The following OAF variants were observed in gnomAD, a reference collection of about 807,000 sequenced individuals.
OAF encodes out at first homolog, also known as out at first protein homolog.
In OAF, 13 loss-of-function variants were observed where a neutral mutation model predicts 22.5. That is an observed-to-expected ratio of 0.58 (90% CI 0.38 to 0.92). The LOEUF (loss-of-function observed/expected upper bound fraction) is 0.92, where lower values mean the gene tolerates loss of function less well. Among genes scored for constraint, OAF ranks in the 40% least tolerant of loss-of-function variants. OAF has a pLI of 0.00. For missense variants in OAF, 347 were observed against 381.8 expected (o/e 0.91, Z 0.76); for synonymous variants, 175 against 170.5 (o/e 1.03, Z -0.21).
At chr11:120,218,672 A>G (rs560882523) in intron 1 of OAF, among the ~76,000 whole-genome samples, 1 of 152,266 alleles carries the variant, frequency 6.6e-6, no homozygotes, top group Non-Finnish European at 1.5e-5. Context: ...GGAGGGGGCC[A>G]AGTGGCTTGT....
In OAF at chr11:120,211,299, C is replaced by T; in HGVS notation, c.20C>T (p.Pro7Leu). The T allele has an allele frequency of 2.3e-6, 3 of 1,288,316 alleles. No individual in the cohort carries two copies. Among genetic ancestry groups the T allele is most frequent in the East Asian group, 3.2e-5 (1 of 31,510 alleles). 79.8% of individuals were successfully genotyped at this position (1,288,316 alleles called of 1,614,324 possible). MRLPGV[P>L]LARPALLLLL... Reference sequence around the variant, plus strand: ...CCGGGGATGCGCCTTCCCGGGGTACCCCTGGCGCGCCCTGCGCTGCTGCTG... The same window carrying T: ...CCGGGGATGCGCCTTCCCGGGGTACTCCTGGCGCGCCCTGCGCTGCTGCTG... The change falls in exon 1 of 4, where the codon CCC (proline) becomes CTC (leucine). Residue 7 changes from proline to leucine, a missense_variant. By Grantham distance (98) the Pro-to-Leu change is moderately conservative (BLOSUM62 -3). Coordinates refer to ENST00000328965, the MANE Select transcript of OAF (RefSeq NM_178507.4).
At chr11:120,221,365 C>T (rs1410020653) in intron 1 of OAF, among the ~76,000 whole-genome samples, 1 of 152,162 alleles carries the variant, frequency 6.6e-6, no homozygotes, top group East Asian at 1.9e-4. Context: ...ATAGGTACAT[C>T]TAGAAGAGAA....
intron 3 of OAF, among the ~76,000 whole-genome samples, chr11:120,227,277 G>T (rs1938372694): frequency 6.6e-6 from 1 of 152,200 alleles, no homozygotes; most frequent in Non-Finnish European, 1.5e-5. Context: ...CAGGCGTTCA[G>T]GGAGGGACCC....
At position 120,229,306 on chromosome 11, in the gene OAF, T is replaced by C. The variant is rs1218082039; in HGVS notation, c.*164T>C. ...CCATCTCACATGACTGTGAAGGGGG[T>C]GTGGCATGGCAGGGGGTCTCATGAA... On this transcript the variant is annotated 3_prime_UTR_variant, in exon 4 of 4. Transcript: ENST00000328965. 12 of 662,652 alleles carry C rather than the reference T, an allele frequency of 1.8e-5. No homozygotes were observed. In the South Asian group the frequency reaches 2.3e-4, roughly 13 times the overall value. 41.0% of individuals were successfully genotyped at this position (662,652 alleles called of 1,614,324 possible).
At position 120,228,978 on chromosome 11, in the gene OAF, C is replaced by T; in HGVS notation, c.658C>T (p.Leu220=). 1 of 1,613,306 alleles carries T rather than the reference C, an allele frequency of 6.2e-7. No individual in the cohort carries two copies. The highest frequency in any genetic ancestry group is 1.1e-5 in the South Asian group (1 of 91,084). Residue 220 remains leucine (L), a synonymous_variant, in exon 4 of 4, where the codon CTG becomes TTG. Transcript: ENST00000328965. The part of the protein sequence containing the change: ...HGKPCVCRYG[L]SLAWYPCMLK... ...GAAGCCCTGCGTCTGCCGCTATGGC[C>T]TGAGCCTGGCCTGGTACCCCTGCAT...
intron 1 of OAF, among the ~76,000 whole-genome samples, chr11:120,223,595 A>G (rs1938309507): frequency 6.6e-6 from 1 of 152,236 alleles, no homozygotes; most frequent in African/African-American, 2.4e-5. Flanking sequence ...CATTATTAAT[A>G]TAGAAGCAGG....
intron 2 of OAF, 67 bp from the exon 3 acceptor site, chr11:120,226,749 G>A: frequency 2.1e-6 from 3 of 1,443,578 alleles, no homozygotes; most frequent in Non-Finnish European, 2.8e-6. Flanking sequence ...TGACTCTGGA[G>A]GGTCAGGGGA....
intron 1 of OAF, among the ~76,000 whole-genome samples, chr11:120,222,840 A>T (rs919372546): frequency 6.6e-6 from 1 of 152,242 alleles, no homozygotes; most frequent in Non-Finnish European, 1.5e-5. Flanking sequence ...TGAACCCGGT[A>T]GGTGGAGGTT....
chr11:120,217,377 G>A (rs1360261621), intron 1 of OAF: 3 of 152,210 alleles, frequency 2.0e-5, no homozygotes, highest in Non-Finnish European at 2.9e-5. Context: ...CCAGGAGTTC[G>A]AGACCAGCCT....
intron 1 of OAF, chr11:120,216,992 G>C (rs887845033): frequency 6.6e-6 from 1 of 152,216 alleles, no homozygotes; most frequent in Non-Finnish European, 1.5e-5. Flanking sequence ...TAGGACCCAG[G>C]GTTCCTTCCA....
Position 120,229,367 on chromosome 11 carries a change from G to GATA in OAF, c.*225_*226insATA. ...TTCCCACCCTGTGCCTTCCTTGCGGGCAGAGAGGGAGAGAAGGGCTCCCCA... is the reference window on the plus strand; with the variant it reads ...TTCCCACCCTGTGCCTTCCTTGCGGGATACAGAGAGGGAGAGAAGGGCTCCCCA... On this transcript the variant is annotated 3_prime_UTR_variant, in exon 4 of 4. Coordinates refer to ENST00000328965, the MANE Select transcript of OAF (RefSeq NM_178507.4). 1.4e-4 allele frequency: 48 copies of GATA among 331,492 alleles called. No individual in the cohort carries two copies. The South Asian group carries it at 2.3e-3, about 16-fold the overall frequency. 20.5% of individuals were successfully genotyped at this position (331,492 alleles called of 1,614,324 possible). A position where few individuals can be genotyped will look rare whatever the true frequency, so the allele number is the denominator to read the frequency against.
chr11:120,218,619 G>T (rs952861521), intron 1 of OAF, among the ~76,000 whole-genome samples: 1 of 152,246 alleles, frequency 6.6e-6, no homozygotes, highest in African/African-American at 2.4e-5. Flanking sequence ...ACACTCCCAG[G>T]AGAGAGCGCC....
chr11:120,215,841 G>T (rs559046086), intron 1 of OAF, among the ~76,000 whole-genome samples: 1 of 152,306 alleles, frequency 6.6e-6, no homozygotes, highest in African/African-American at 2.4e-5. Context: ...GGGCTGACCG[G>T]ATGGGGAGGG....
chr11:120,229,132 A>G lies in OAF; in HGVS notation c.812A>G (p.Tyr271Cys), dbSNP rs1938402669. Residue 271 changes from tyrosine to cysteine, a missense_variant, in exon 4 of 4, where the codon TAC becomes TGC. Transcript: ENST00000328965. ...CTGTGTCTCTGGGATGAGGATCCCT[A>G]CCCAGGCTAGGGTGGGAGCAACCTG... ...RQLCLWDEDP[Y>C]PG is the part of the protein sequence containing the mutation. The G allele has an allele frequency of 2.5e-6, 4 of 1,611,330 alleles. No homozygotes were observed. Among genetic ancestry groups the G allele is most frequent in the Non-Finnish European group, 2.5e-6 (3 of 1,178,588 alleles).
intron 1 of OAF, among the ~76,000 whole-genome samples, chr11:120,222,827 G>A (rs536897177): frequency 1.9e-4 from 29 of 152,160 alleles, no homozygotes; most frequent in African/African-American, 2.9e-4. Context: ...CAGGAGAATC[G>A]CTTGAACCCG....
intron 1 of OAF, among the ~76,000 whole-genome samples, chr11:120,222,589 A>G (rs963642384): frequency 4.0e-5 from 6 of 151,480 alleles, no homozygotes; most frequent in Admixed American, 3.3e-4. Flanking sequence ...CATGCACACA[A>G]AGGAGAGACC....
At chr11:120,217,600 T>G (rs766977159) in intron 1 of OAF, 1 of 152,032 alleles carries the variant, frequency 6.6e-6, no homozygotes, top group Non-Finnish European at 1.5e-5. Flanking sequence ...AAAGAAAATA[T>G]CTCACAGACA....
At chr11:120,215,839 C>T (rs573565876) in intron 1 of OAF, among the ~76,000 whole-genome samples, 8 of 151,984 alleles carry the variant, frequency 5.3e-5, no homozygotes, top group Non-Finnish European at 7.4e-5. Context: ...TGGGGCTGAC[C>T]GGATGGGGAG....
chr11:120,225,846 C>A, intron 2 of OAF, 51 bp downstream of exon 2: 1 of 1,547,206 alleles, frequency 6.5e-7, no homozygotes, highest in Non-Finnish European at 8.7e-7. Context: ...CGCAGCAGAC[C>A]CGGCCCAGAT....
Sources: allele counts gnomAD v4.1 joint callset (sites outside exome capture counted in the v4.1 genomes callset), GRCh38; gene constraint gnomAD v4.1.1; transcripts MANE v1.5; gene names NCBI Gene and HGNC (gene_info 2026-07-23, HGNC 2026-07-21).